Variants in BLM observed in about 807,000 individuals in gnomAD.
The protein encoded by BLM is recQ-like DNA helicase BLM.
Under a neutral mutation model 135.3 loss-of-function variants are expected in BLM, and 95 were observed. The observed-to-expected ratio is 0.70, with a 90% confidence interval of 0.59 to 0.83. The LOEUF is 0.83. Ranked by LOEUF, BLM falls within the 40% of genes least tolerant of loss-of-function variation. The pLI is 0.00. For missense variants in BLM, 1,518 were observed against 1,663.9 expected (o/e 0.91, Z 1.53); for synonymous variants, 520 against 589.2 (o/e 0.88, Z 1.70).
chr15:90,782,955 C>G (rs559302496), intron 13 of BLM, 27 bp downstream of exon 13: 1 of 1,519,728 alleles, frequency 6.6e-7, no homozygotes, highest in East Asian at 2.3e-5. Context: ...GATTAGCTGT[C>G]TAGAAGTAAC....
rs1302843401 is a variant in BLM at position 90,734,692 on chromosome 15, C to G, written c.-4-12697C>G. Among the ~76,000 whole-genome samples the G allele has an allele frequency of 3.5e-5, 4 of 113,884 alleles. No homozygotes were observed. In the South Asian group the frequency reaches 1.3e-3, roughly 37 times the overall value. 74.7% of individuals were successfully genotyped at this position (113,884 alleles called of 152,430 possible). ...GCACGCACGCACACACACACACACA[C>G]ACGCAGAGAGAGAGAGAGAGAGAGA... is the stretch of plus-strand genomic sequence containing the variant. On this transcript the variant is annotated intron_variant, in intron 1 of 21. Coordinates refer to ENST00000355112, the MANE Select transcript of BLM (RefSeq NM_000057.4).
At position 90,816,035 on chromosome 15, in the gene BLM, C is replaced by T. The variant is rs13380207; in HGVS notation, c.*756C>T. ...GGCGGAGGTTGCAGTGAGCCGAGAT[C>T]GTGCCACTGCACTCCAGCCTGGGTG... On this transcript the variant is annotated 3_prime_UTR_variant, in exon 22 of 22. Transcript: ENST00000355112. The T allele has an allele frequency of 0.054, 7,866 of 145,962 alleles. 246 individuals are homozygous for T. Among genetic ancestry groups the T allele is most frequent in the Middle Eastern group, 0.091 (25 of 276 alleles). The allele number at this position is 145,962 out of a possible 1,614,324, so 9.0% of individuals were successfully genotyped here. A position where few individuals can be genotyped will look rare whatever the true frequency, so the allele number is the denominator to read the frequency against.
intron 8 of BLM, among the ~76,000 whole-genome samples, chr15:90,763,494 T>G (rs1896041496): frequency 6.6e-6 from 1 of 152,218 alleles, no homozygotes. Context: ...TCTGGCAGTT[T>G]ATTTGCAACA....
At chr15:90,772,898 G>A (rs1241305680) in intron 12 of BLM, among the ~76,000 whole-genome samples, 4 of 151,836 alleles carry the variant, frequency 2.6e-5, no homozygotes, top group Non-Finnish European at 5.9e-5. Flanking sequence ...ACGAGTTCAA[G>A]ACCAGACTGA....
intron 1 of BLM, among the ~76,000 whole-genome samples, chr15:90,739,036 C>T (rs189171233): frequency 7.4e-4 from 113 of 152,244 alleles, no homozygotes; most frequent in African/African-American, 2.4e-3. Context: ...TGGAAGCAAC[C>T]CTAACGTCCT....
At chr15:90,780,929 G>A (rs1170604114) in intron 12 of BLM, among the ~76,000 whole-genome samples, 4 of 152,210 alleles carry the variant, frequency 2.6e-5, no homozygotes, top group African/African-American at 9.7e-5. Context: ...TTATATCAGG[G>A]ACTTGAGCAT....
intron 12 of BLM, among the ~76,000 whole-genome samples, chr15:90,774,238 A>C (rs936540191): frequency 3.3e-5 from 5 of 150,474 alleles, no homozygotes; most frequent in African/African-American, 1.2e-4. Flanking sequence ...GTATTTTTCT[A>C]ATTTTGTATT....
intron 12 of BLM, among the ~76,000 whole-genome samples, chr15:90,780,706 G>A (rs1460639370): frequency 6.6e-6 from 1 of 152,240 alleles, no homozygotes; most frequent in Non-Finnish European, 1.5e-5. Flanking sequence ...GCGCTATGCT[G>A]TGTCCACATG....
At position 90,749,905 on chromosome 15, in the gene BLM, T is replaced by C; in HGVS notation, c.637T>C (p.Ser213Pro). The change falls in exon 3 of 22, where the codon TCT becomes CCT. Residue 213 changes from serine to proline, a missense_variant. Physicochemically the swap from Ser to Pro is moderately conservative, Grantham distance 74. Coordinates refer to ENST00000355112, the MANE Select transcript of BLM (RefSeq NM_000057.4). ...TVKTDLPPPS[S>P]ESEQIDLTEE... is the part of the protein sequence containing the mutation. ...AAAGACTGATTTGCCTCCACCCTCC[T>C]CTGAAAGCGAGCAAATAGATTTGAC... 1 of 1,612,964 alleles carries C rather than the reference T, an allele frequency of 6.2e-7. No individual in the cohort carries two copies. The highest frequency in any genetic ancestry group is 1.3e-5 in the African/African-American group (1 of 75,024).
intron 14 of BLM, 89 bp downstream of exon 14, chr15:90,785,170 C>CAAA: frequency 1.5e-6 from 2 of 1,368,580 alleles, no homozygotes; most frequent in Non-Finnish European, 2.0e-6. Context: ...ACTGTTTTTA[C>CAAA]CTTGAAGGTA....
chr15:90,763,392 T>C (rs1896039011), intron 8 of BLM, among the ~76,000 whole-genome samples: 2 of 152,204 alleles, frequency 1.3e-5, no homozygotes, highest in Non-Finnish European at 1.5e-5. Context: ...GTTGAACTGA[T>C]CTAGAATTTT....
At chr15:90,797,372 C>T (rs989855295) in intron 16 of BLM, among the ~76,000 whole-genome samples, 11 of 140,392 alleles carry the variant, frequency 7.8e-5, no homozygotes, top group African/African-American at 1.1e-4. Flanking sequence ...GCCAAGATTG[C>T]GCCATCGCAC....
intron 1 of BLM, among the ~76,000 whole-genome samples, chr15:90,738,267 A>G (rs1304053107): frequency 2.6e-5 from 4 of 152,228 alleles, no homozygotes; most frequent in Non-Finnish European, 4.4e-5. Context: ...AGCTCTTCCA[A>G]TTAATGATAT....
chr15:90,749,535 C>A lies in BLM; in HGVS notation c.267C>A (p.Phe89Leu). Residue 89 changes from phenylalanine (F) to leucine (L), a missense_variant, in exon 3 of 22, where the codon TTC becomes TTA. Phe to Leu is a conservative substitution (Grantham distance 22, BLOSUM62 0). Around this residue, in one of 5 missense-constraint regions of BLM, gnomAD observed 724 missense variants for 756.9 expected, o/e 0.96. Transcript: ENST00000355112. ...NTTNQQRVKD[F>L]FKNAPAGQET... The stretch of plus-strand genomic sequence containing the variant: ...CAAATCAGCAAAGGGTCAAGGACTT[C>A]TTTAAAAATGCTCCAGCAGGACAGG... The A allele has an allele frequency of 1.2e-6, 2 of 1,614,150 alleles. No homozygotes were observed. Among genetic ancestry groups the A allele is most frequent in the Non-Finnish European group, 1.7e-6 (2 of 1,180,040 alleles).
At chr15:90,808,813 G>A (rs1351813980) in intron 19 of BLM, 1 of 432,878 alleles carries the variant, frequency 2.3e-6, no homozygotes, top group Non-Finnish European at 4.3e-6. Flanking sequence ...ATGAGTACTG[G>A]CCATGGGAAC....
intron 1 of BLM, among the ~76,000 whole-genome samples, chr15:90,725,271 C>T (rs2151128511): frequency 6.6e-6 from 1 of 152,160 alleles, no homozygotes; most frequent in East Asian, 1.9e-4. Flanking sequence ...GTATGTTTTA[C>T]CTTACTATGT....
At position 90,815,287 on chromosome 15, in the gene BLM, A is replaced by T; in HGVS notation, c.*8A>T. 1 of 1,612,704 alleles carries T rather than the reference A, an allele frequency of 6.2e-7. No homozygotes were observed. Among genetic ancestry groups the T allele is most frequent in the Admixed American group, 1.7e-5 (1 of 60,012 alleles). ...TCATATGCATTCTCATAACAACCGA[A>T]TCTCAATGTACATAGACCCTCTTTC... On this transcript the variant is annotated 3_prime_UTR_variant, in exon 22 of 22. Transcript: ENST00000355112. This position sits in a 1 kb window ranked among gnomAD's most constrained non-coding sequence, Gnocchi z 4.6.
At chr15:90,738,554 C>A (rs1460143530) in intron 1 of BLM, among the ~76,000 whole-genome samples, 2 of 147,892 alleles carry the variant, frequency 1.4e-5, no homozygotes, top group East Asian at 2.0e-4. Flanking sequence ...CAGAGTGAAA[C>A]CCTGTTTCAA....
In BLM at chr15:90,803,657, C is replaced by T. The variant is rs767536788; in HGVS notation, c.3495C>T (p.Asp1165=). The T allele has an allele frequency of 1.2e-6, 2 of 1,614,138 alleles. No homozygotes were observed. Among genetic ancestry groups the T allele is most frequent in the Non-Finnish European group, 1.7e-6 (2 of 1,180,024 alleles). The change falls in exon 18 of 22, where the codon GAC becomes GAT. Residue 1165 remains aspartate, a synonymous_variant. Coordinates refer to ENST00000355112, the MANE Select transcript of BLM (RefSeq NM_000057.4). ...LDEDLYINAN[D]QAIAYVMLGN... Reference sequence around the variant, plus strand: ...AAGACTTATATATCAATGCCAATGACCAGGCGATCGCTTATGTGATGCTCG... The same window carrying T: ...AAGACTTATATATCAATGCCAATGATCAGGCGATCGCTTATGTGATGCTCG...
Sources: gnomAD v4.1 joint callset for allele counts (sites outside exome capture counted in the v4.1 genomes callset) on GRCh38, gnomAD v4.1.1 for gene constraint, gnomAD v4.1.1 regional missense constraint, Gnocchi (gnomAD v3.1) non-coding constraint, MANE v1.5 for transcripts, NCBI Gene and HGNC (gene_info 2026-07-23, HGNC 2026-07-21) for gene names.